The following DCC variants were observed in gnomAD, a reference collection of about 807,000 sequenced individuals.
DCC encodes netrin receptor DCC.
DCC carries 58 observed loss-of-function variants against 172.5 expected under a neutral mutation model. The ratio of observed to expected loss-of-function variants is 0.34; its 90% CI spans 0.27 to 0.42. The LOEUF (loss-of-function observed/expected upper bound fraction) is 0.42, where lower values mean the gene tolerates loss of function less well. Ranked by LOEUF, DCC falls within the 10% of genes least tolerant of loss-of-function variation. The probability of loss-of-function intolerance (pLI) is 1.00; values close to 1 mark genes in which losing one functional copy is unlikely to be tolerated. For missense variants in DCC, 1,740 were observed against 1,791.0 expected (o/e 0.97, Z 0.51); for synonymous variants, 709 against 644.5 (o/e 1.10, Z -1.52).
intron 7 of DCC, among the ~76,000 whole-genome samples, chr18:53,077,208 T>C (rs571204230): frequency 1.3e-5 from 2 of 150,462 alleles, no homozygotes; most frequent in South Asian, 2.1e-4. Context: ...TTCACATGTA[T>C]ATATATATAT....
At chr18:52,813,939 C>T (rs1411489467) in intron 2 of DCC, among the ~76,000 whole-genome samples, 2 of 152,194 alleles carry the variant, frequency 1.3e-5, no homozygotes, top group African/African-American at 4.8e-5. Context: ...GATATTCAGG[C>T]CTTCAGACTT....
intron 1 of DCC, among the ~76,000 whole-genome samples, chr18:52,736,459 A>T (rs970909497): frequency 6.6e-6 from 1 of 152,034 alleles, no homozygotes; most frequent in Non-Finnish European, 1.5e-5. Context: ...TTTGATAATT[A>T]TCAGGTTTTT....
At chr18:53,174,197 T>C (rs1189785933) in intron 8 of DCC, among the ~76,000 whole-genome samples, 12 of 144,690 alleles carry the variant, frequency 8.3e-5, no homozygotes, top group African/African-American at 2.9e-4. Flanking sequence ...GAGGGAAATT[T>C]ACAGCACTAA....
intron 1 of DCC, among the ~76,000 whole-genome samples, chr18:52,691,854 A>C (rs539035011): frequency 3.7e-4 from 56 of 152,182 alleles, no homozygotes; most frequent in Non-Finnish European, 5.7e-4. Flanking sequence ...TCTGCACTCA[A>C]ATGTTAATTT....
At chr18:53,418,369 AG>A (rs150215342) in intron 21 of DCC, among the ~76,000 whole-genome samples, 1,680 of 152,310 alleles carry the variant, frequency 0.011, 45 homozygotes, top group African/African-American at 0.039. Context: ...CCCAGATTAA[AG>A]ATCCCTCTAA....
chr18:52,466,405 C>A (rs542142638), intron 1 of DCC, among the ~76,000 whole-genome samples: 1 of 152,062 alleles, frequency 6.6e-6, no homozygotes. Context: ...ATGGGAAACT[C>A]GAAAAACATT....
At chr18:52,566,691 T>C (rs187769444) in intron 1 of DCC, among the ~76,000 whole-genome samples, 2 of 152,214 alleles carry the variant, frequency 1.3e-5, no homozygotes, top group East Asian at 3.9e-4. Flanking sequence ...AAGGCTGGAA[T>C]TGGGAAAACA....
chr18:53,200,707 G>C (rs974331788), intron 9 of DCC, among the ~76,000 whole-genome samples: 3 of 152,094 alleles, frequency 2.0e-5, no homozygotes, highest in African/African-American at 4.8e-5. Context: ...GTGTGTGGTT[G>C]TCATATCTGT....
intron 5 of DCC, among the ~76,000 whole-genome samples, chr18:52,989,467 G>A (rs1441130096): frequency 1.3e-5 from 2 of 150,786 alleles, no homozygotes; most frequent in Non-Finnish European, 3.0e-5. Flanking sequence ...TCGTTGCAGT[G>A]AACCGAGATC....
At chr18:53,504,227 C>A (rs541341209) in intron 27 of DCC, among the ~76,000 whole-genome samples, 1 of 152,272 alleles carries the variant, frequency 6.6e-6, no homozygotes, top group Admixed American at 6.5e-5. Context: ...CAATTGCTTT[C>A]CCTGAGCCAC....
rs576773481 is a variant in DCC, at chr18:52,738,745, G to GT, written c.92-13297dup. On this transcript the variant is annotated intron_variant, in intron 1 of 28. Coordinates refer to ENST00000442544, the MANE Select transcript of DCC (RefSeq NM_005215.4). ...TTTAATTTTCTTTCTTTCTTTCTTT[G>GT]TTTTTTTTTTTTGAGACTAAGTCTC... 3.6e-3 allele frequency among the ~76,000 whole-genome samples: 502 copies of GT among 138,558 alleles called. 1 individual carries two copies. The highest frequency in any genetic ancestry group is 0.012 in the South Asian group (54 of 4,348). The allele number at this position is 138,558 out of a possible 152,430, so 90.9% of individuals were successfully genotyped here. A position where few individuals can be genotyped will look rare whatever the true frequency, so the allele number is the denominator to read the frequency against.
At chr18:52,580,375 G>A (rs1300817411) in intron 1 of DCC, among the ~76,000 whole-genome samples, 1 of 152,086 alleles carries the variant, frequency 6.6e-6, no homozygotes, top group Non-Finnish European at 1.5e-5. Flanking sequence ...AGAGACTTCT[G>A]GATAAGAGAC....
At chr18:52,556,758 C>T (rs1434147741) in intron 1 of DCC, among the ~76,000 whole-genome samples, 1 of 152,002 alleles carries the variant, frequency 6.6e-6, no homozygotes, top group African/African-American at 2.4e-5. Context: ...TGCACATACT[C>T]CCATAAAGGG....
At chr18:52,735,050 G>T (rs1268856235) in intron 1 of DCC, among the ~76,000 whole-genome samples, 1 of 152,084 alleles carries the variant, frequency 6.6e-6, no homozygotes, top group African/African-American at 2.4e-5. Context: ...GCCCTGAGGA[G>T]AAAATAAAGG....
intron 7 of DCC, among the ~76,000 whole-genome samples, chr18:53,067,535 A>T (rs2144095003): frequency 6.6e-6 from 1 of 152,244 alleles, no homozygotes; most frequent in East Asian, 1.9e-4. Flanking sequence ...AAACACAACA[A>T]AACAAAAACT....
chr18:53,353,203 G>A (rs867755669), intron 15 of DCC, among the ~76,000 whole-genome samples: 1 of 151,370 alleles, frequency 6.6e-6, no homozygotes, highest in Non-Finnish European at 1.5e-5. Flanking sequence ...TGAACCCAGA[G>A]GCAGAGGTTG....
In DCC at chr18:53,533,291, T is replaced by A. The variant is rs2046541925; in HGVS notation, c.*2638T>A. ...TCTGACTTCCTCCTACTGAGTCTAGTTCATGGTATCCAGGACTCTTTATGC... is the reference window on the plus strand; with the variant it reads ...TCTGACTTCCTCCTACTGAGTCTAGATCATGGTATCCAGGACTCTTTATGC... On this transcript the variant is annotated 3_prime_UTR_variant, in exon 29 of 29. Coordinates refer to ENST00000442544, the MANE Select transcript of DCC (RefSeq NM_005215.4). 6.6e-6 allele frequency: 1 copy of A among 152,164 alleles called. No homozygotes were observed. The allele number at this position is 152,164 out of a possible 1,614,324, so 9.4% of individuals were successfully genotyped here.
At chr18:52,904,061 T>G (rs1304217568) in intron 2 of DCC, among the ~76,000 whole-genome samples, 2 of 152,220 alleles carry the variant, frequency 1.3e-5, no homozygotes, top group Admixed American at 1.3e-4. Context: ...TGGCGCCCCC[T>G]GTAGGCAATC....
chr18:53,010,337 G>A (rs991285770), intron 5 of DCC, among the ~76,000 whole-genome samples: 1 of 151,134 alleles, frequency 6.6e-6, no homozygotes, highest in Non-Finnish European at 1.5e-5. Context: ...GTAATGCATT[G>A]TTTTTTTTCT....
Sources: allele counts gnomAD v4.1 joint callset (sites outside exome capture counted in the v4.1 genomes callset), GRCh38; gene constraint gnomAD v4.1.1; transcripts MANE v1.5; gene names NCBI Gene and HGNC (gene_info 2026-07-23, HGNC 2026-07-21).